Variants in RARB observed in about 807,000 individuals in gnomAD.
RARB encodes HBV-activated protein.
A neutral mutation model predicts 51.9 loss-of-function variants in RARB; 17 were observed. The observed-to-expected ratio is 0.33, with a 90% CI of 0.22 to 0.49. The LOEUF is 0.49. RARB is among the 20% of genes least tolerant of loss of function. The pLI is 0.99. For missense variants in RARB, 369 were observed against 550.8 expected (o/e 0.67, Z 3.30); for synonymous variants, 215 against 195.4 (o/e 1.10, Z -0.84).
At chr3:25,386,668 T>A (rs896920000) in intron 5 of RARB, among the ~76,000 whole-genome samples, 1 of 152,128 alleles carries the variant, frequency 6.6e-6, no homozygotes, top group Non-Finnish European at 1.5e-5. Context: ...TTTTCTGAGG[T>A]TCCCTTTGAG....
At chr3:25,250,120 TAC>T (rs1702674975) in intron 5 of RARB, among the ~76,000 whole-genome samples, 1 of 152,120 alleles carries the variant, frequency 6.6e-6, no homozygotes, top group South Asian at 2.1e-4. Context: ...AACAGATCAG[TAC>T]TCAGGCCTGC....
At chr3:25,330,058 C>G (rs971024411) in intron 5 of RARB, among the ~76,000 whole-genome samples, 1 of 152,082 alleles carries the variant, frequency 6.6e-6, no homozygotes, top group African/African-American at 2.4e-5. Context: ...CTGAAAGTGA[C>G]GGGGACAATG....
At chr3:25,505,841 TA>T (rs139588732) in intron 3 of RARB, among the ~76,000 whole-genome samples, 5,567 of 151,946 alleles carry the variant, frequency 0.037, 321 homozygotes, top group African/African-American at 0.12. Flanking sequence ...AGCCCTGAAA[TA>T]AAAACAATTA....
At chr3:25,188,542 T>C (rs1001580111) in intron 5 of RARB, among the ~76,000 whole-genome samples, 4 of 152,132 alleles carry the variant, frequency 2.6e-5, no homozygotes, top group African/African-American at 9.6e-5. Context: ...AGTGGTAAAA[T>C]TTCCAAGGAG....
intron 4 of RARB, among the ~76,000 whole-genome samples, chr3:25,153,460 G>A (rs993128391): frequency 2.0e-5 from 3 of 150,224 alleles, no homozygotes; most frequent in Admixed American, 2.0e-4. Flanking sequence ...TAGTCCATTT[G>A]TACGACTTCT....
At chr3:25,120,527 A>ATCTCTCTCTCTCTCTCTCTCTCTCTC (rs138649959) in intron 3 of RARB, among the ~76,000 whole-genome samples, 27 of 136,160 alleles carry the variant, frequency 2.0e-4, no homozygotes, top group African/African-American at 6.7e-4. Flanking sequence ...ATATATAAAA[A>ATCTCTCTCTCTCTCTCTCTCTCTCTC]TCTCTCTCTC....
intron 2 of RARB, among the ~76,000 whole-genome samples, chr3:24,944,859 G>A (rs1695740592): frequency 6.6e-6 from 1 of 152,218 alleles, no homozygotes. Flanking sequence ...CAGGGAGGAA[G>A]AGAGGCAAAG....
chr3:25,499,821 AAGC>A (rs1481096559), intron 2 of RARB, among the ~76,000 whole-genome samples: 1 of 152,232 alleles, frequency 6.6e-6, no homozygotes, highest in Non-Finnish European at 1.5e-5. Flanking sequence ...TAAGATTGCA[AAGC>A]TAGATACAAA....
At chr3:25,470,077 G>A (rs1395949571) in intron 2 of RARB, among the ~76,000 whole-genome samples, 6 of 152,122 alleles carry the variant, frequency 3.9e-5, no homozygotes, top group Non-Finnish European at 5.9e-5. Flanking sequence ...AGCAATGCCC[G>A]GGTTGTAGAC....
intron 2 of RARB, among the ~76,000 whole-genome samples, chr3:24,926,685 T>C (rs1695328934): frequency 6.6e-6 from 1 of 152,024 alleles, no homozygotes; most frequent in Non-Finnish European, 1.5e-5. Flanking sequence ...GTTTGATTTT[T>C]GGTACATCAT....
rs529092384 is a variant in RARB, at chr3:25,370,873, C to G, written c.179-90320C>G. 4.6e-5 allele frequency among the ~76,000 whole-genome samples: 7 copies of G among 152,312 alleles called. No homozygotes were observed. In the East Asian group the frequency reaches 1.4e-3, roughly 29 times the overall value. On this transcript the variant is annotated intron_variant, in intron 5 of 11. Coordinates refer to the RARB transcript ENST00000383772. ...TAGAGTTGCACTCACTCCAGAGTCT[C>G]TAGGAGAGAAACTTTCCTTTCCTCT...
intron 3 of RARB, among the ~76,000 whole-genome samples, chr3:25,548,988 A>C (rs577577066): frequency 1.3e-5 from 2 of 152,248 alleles, no homozygotes; most frequent in South Asian, 4.1e-4. Flanking sequence ...GTTAGGAAGT[A>C]ACTTGTACTT....
chr3:25,559,479 C>T (rs772462836), intron 3 of RARB, among the ~76,000 whole-genome samples: 23 of 152,210 alleles, frequency 1.5e-4, no homozygotes, highest in Non-Finnish European at 3.1e-4. Flanking sequence ...TCCCTTCTGA[C>T]ATCTAGCTCA....
intron 2 of RARB, among the ~76,000 whole-genome samples, chr3:24,942,165 C>G (rs530575373): frequency 2.0e-5 from 3 of 152,272 alleles, no homozygotes; most frequent in South Asian, 4.1e-4. Flanking sequence ...GGACTGAAAC[C>G]AGGTTTCATG....
At chr3:25,425,342 G>A (rs2125509602), upstream of RARB, among the ~76,000 whole-genome samples, 1 of 152,196 alleles carries the variant, frequency 6.6e-6, no homozygotes, top group South Asian at 2.1e-4. Context: ...AGAATTTGGA[G>A]ACAGAATCAA....
At chr3:25,539,366 C>T (rs1699271360) in intron 3 of RARB, among the ~76,000 whole-genome samples, 1 of 152,208 alleles carries the variant, frequency 6.6e-6, no homozygotes, top group East Asian at 1.9e-4. Flanking sequence ...TCTCAAGGTA[C>T]TGAGAATAAT....
intron 3 of RARB, among the ~76,000 whole-genome samples, chr3:25,092,955 A>G (rs1041783842): frequency 1.3e-5 from 2 of 152,194 alleles, no homozygotes; most frequent in African/African-American, 4.8e-5. Flanking sequence ...GGTATAGTGA[A>G]AAAGGGGAAT....
chr3:25,163,242 G>A (rs1018167097), intron 4 of RARB, among the ~76,000 whole-genome samples: 7 of 152,178 alleles, frequency 4.6e-5, no homozygotes, highest in African/African-American at 1.4e-4. Flanking sequence ...GGTGGCTCAC[G>A]CCTATGATCC....
At position 25,334,731 on chromosome 3, in the gene RARB, C is replaced by T. The variant is rs1172820172; in HGVS notation, c.179-126462C>T. 2.0e-5 allele frequency among the ~76,000 whole-genome samples: 3 copies of T among 151,908 alleles called. No individual in the cohort carries two copies. In the East Asian group the frequency reaches 5.8e-4, roughly 29 times the overall value. On this transcript the variant is annotated intron_variant, in intron 5 of 11. Coordinates refer to the RARB transcript ENST00000383772. ...GTAAAAATAAATAAATAAGTGGTTT[C>T]CTCTAAAAAGTGGAGCGGGAAGGAA... is the stretch of plus-strand genomic sequence containing the variant.
Sources: allele counts gnomAD v4.1 joint callset (sites outside exome capture counted in the v4.1 genomes callset), GRCh38; gene constraint gnomAD v4.1.1; transcripts MANE v1.5; gene names NCBI Gene and HGNC (gene_info 2026-07-23, HGNC 2026-07-21).